The following GULP1 variants were observed in gnomAD, a reference collection of about 807,000 sequenced individuals.
GULP1 encodes PTB domain-containing engulfment adapter protein 1.
A neutral mutation model predicts 40.9 loss-of-function variants in GULP1; 19 were observed. That is an observed-to-expected ratio of 0.46 (90% CI 0.32 to 0.68). GULP1 has a LOEUF of 0.68. GULP1 is among the 30% of genes least tolerant of loss of function. GULP1 has a pLI of 0.03. For synonymous variants in GULP1, 119 were observed against 117.6 expected (o/e 1.01, Z -0.08); for missense variants, 312 against 362.2 (o/e 0.86, Z 1.12).
intron 2 of GULP1, among the ~76,000 whole-genome samples, chr2:188,408,281 C>A (rs969354719): frequency 1.3e-5 from 2 of 151,954 alleles, no homozygotes; most frequent in Non-Finnish European, 2.9e-5. Context: ...TCTAGAACTG[C>A]GAGTTAAATA....
chr2:188,586,809 G>A (rs980296259), intron 10 of GULP1, among the ~76,000 whole-genome samples: 1 of 152,012 alleles, frequency 6.6e-6, no homozygotes, highest in Non-Finnish European at 1.5e-5. Flanking sequence ...TTCACAATGA[G>A]AATCACAGAG....
At chr2:188,416,975 G>A (rs910126930) in intron 2 of GULP1, among the ~76,000 whole-genome samples, 2 of 152,128 alleles carry the variant, frequency 1.3e-5, no homozygotes, top group African/African-American at 4.8e-5. Context: ...AAAAATTTTA[G>A]ATACCTGGAA....
intron 1 of GULP1, among the ~76,000 whole-genome samples, chr2:188,298,501 A>G (rs2035471987): frequency 6.6e-6 from 1 of 152,292 alleles, no homozygotes; most frequent in South Asian, 2.1e-4. Context: ...TTGGTATTTT[A>G]GATTTATAAA....
chr2:188,588,641 C>T lies in GULP1; in HGVS notation c.843+692C>T, dbSNP rs546486515. On this transcript the variant is annotated intron_variant, in intron 11 of 11. Transcript: ENST00000409830. ...GGTGAAGTTATTATATCCTATTTTT[C>T]ATCAAAAAGTTTATATATGGTAGAA... 2.6e-5 allele frequency: 4 copies of T among 152,170 alleles called. No homozygotes were observed. In the East Asian group the frequency reaches 7.7e-4, roughly 29 times the overall value. 9.4% of individuals were successfully genotyped at this position (152,170 alleles called of 1,614,324 possible).
At chr2:188,419,027 C>A (rs1246465092) in intron 2 of GULP1, among the ~76,000 whole-genome samples, 2 of 152,276 alleles carry the variant, frequency 1.3e-5, no homozygotes, top group East Asian at 3.9e-4. Flanking sequence ...CCTCAAGGTT[C>A]ATCTATGCTT....
At chr2:188,477,113 G>C (rs1005250401) in intron 2 of GULP1, among the ~76,000 whole-genome samples, 1 of 152,066 alleles carries the variant, frequency 6.6e-6, no homozygotes, top group African/African-American at 2.4e-5. Context: ...CTAAGACAAA[G>C]ATTGTAGCTA....
At chr2:188,482,715 T>C (rs960936754) in intron 3 of GULP1, among the ~76,000 whole-genome samples, 1 of 151,096 alleles carries the variant, frequency 6.6e-6, no homozygotes, top group Non-Finnish European at 1.5e-5. Context: ...TAACAAGATA[T>C]AAATAATATA....
intron 5 of GULP1, 198 bp downstream of exon 5, chr2:188,523,025 G>A: frequency 2.2e-6 from 1 of 457,264 alleles, no homozygotes; most frequent in South Asian, 3.3e-5. Flanking sequence ...TTTAAAATAT[G>A]GCATACTGTT....
rs558436605 is a variant in GULP1, at chr2:188,468,022, A to G, written c.-44-9637A>G. ...AGTCCATTTATCTTTCATATTTGGT[A>G]TCAGAACAATCAACAGCGTTTGCTT... is the stretch of plus-strand genomic sequence containing the variant. On this transcript the variant is annotated intron_variant, in intron 2 of 11. Coordinates refer to ENST00000409830, the MANE Select transcript of GULP1 (RefSeq NM_016315.4). 5.9e-5 allele frequency among the ~76,000 whole-genome samples: 9 copies of G among 152,296 alleles called. No individual in the cohort carries two copies. In the East Asian group the frequency reaches 1.7e-3, roughly 29 times the overall value.
chr2:188,527,805 AAGAG>A (rs1686568320), intron 5 of GULP1, among the ~76,000 whole-genome samples: 1 of 152,158 alleles, frequency 6.6e-6, no homozygotes, highest in Non-Finnish European at 1.5e-5. Flanking sequence ...AAGCCATGAA[AAGAG>A]AGAAAGACTT....
intron 1 of GULP1, among the ~76,000 whole-genome samples, chr2:188,362,989 A>G (rs1377815830): frequency 6.6e-6 from 1 of 152,100 alleles, no homozygotes; most frequent in Middle Eastern, 3.2e-3. Flanking sequence ...AAAAAATATG[A>G]ATCGTAAAGA....
chr2:188,562,157 G>C (rs1363838660), intron 7 of GULP1, among the ~76,000 whole-genome samples: 2 of 152,150 alleles, frequency 1.3e-5, no homozygotes, highest in Non-Finnish European at 2.9e-5. Context: ...GTAGCTGCTT[G>C]GGTCTCAGAA....
At chr2:188,567,040 T>A (rs1697883132) in intron 7 of GULP1, among the ~76,000 whole-genome samples, 3 of 151,804 alleles carry the variant, frequency 2.0e-5, no homozygotes, top group Admixed American at 2.0e-4. Flanking sequence ...AAACTCAACA[T>A]CACTGATCAT....
chr2:188,493,471 T>G (rs182493708), intron 4 of GULP1, among the ~76,000 whole-genome samples: 142 of 152,192 alleles, frequency 9.3e-4, no homozygotes, highest in African/African-American at 3.3e-3. Flanking sequence ...ATTTTCTTCT[T>G]TTTTCTACTC....
chr2:188,521,798 C>T (rs943074532), intron 4 of GULP1, among the ~76,000 whole-genome samples: 1 of 152,092 alleles, frequency 6.6e-6, no homozygotes, highest in Non-Finnish European at 1.5e-5. Context: ...TAAAATTGGC[C>T]GGGTGTGGTG....
intron 10 of GULP1, among the ~76,000 whole-genome samples, 183 bp downstream of exon 10, chr2:188,584,586 A>G (rs2153462259): frequency 6.6e-6 from 1 of 152,064 alleles, no homozygotes; most frequent in Non-Finnish European, 1.5e-5. Context: ...TTCAGACTAC[A>G]CTACTAATGA....
At chr2:188,357,207 G>A (rs951130479) in intron 1 of GULP1, among the ~76,000 whole-genome samples, 1 of 152,040 alleles carries the variant, frequency 6.6e-6, no homozygotes, top group Non-Finnish European at 1.5e-5. Context: ...ATAGACAAAT[G>A]GGATTATATC....
At chr2:188,544,935 T>G (rs1286315745) in intron 7 of GULP1, among the ~76,000 whole-genome samples, 1 of 151,932 alleles carries the variant, frequency 6.6e-6, no homozygotes, top group Non-Finnish European at 1.5e-5. Flanking sequence ...CCAAGACACA[T>G]CATATTCAAG....
At chr2:188,301,465 C>T (rs2036118311) in intron 1 of GULP1, among the ~76,000 whole-genome samples, 1 of 152,202 alleles carries the variant, frequency 6.6e-6, no homozygotes, top group African/African-American at 2.4e-5. Context: ...CTTCCTTGTA[C>T]TGTGGCATAA....
Sources: allele counts gnomAD v4.1 joint callset (sites outside exome capture counted in the v4.1 genomes callset), GRCh38; gene constraint gnomAD v4.1.1; transcripts MANE v1.5; gene names NCBI Gene and HGNC (gene_info 2026-07-23, HGNC 2026-07-21).